ESRRG: variants seen among roughly 807,000 people sequenced by gnomAD.
The protein encoded by ESRRG is estrogen related receptor gamma.
Under a neutral mutation model 44.0 loss-of-function variants are expected in ESRRG, and 13 were observed. The observed-to-expected ratio is 0.30, with a 90% CI of 0.19 to 0.47. The LOEUF is 0.47. ESRRG is among the 20% of genes least tolerant of loss of function. The pLI, the probability that ESRRG is intolerant of heterozygous loss-of-function variation, is 1.00. For missense variants in ESRRG, 395 were observed against 580.6 expected (o/e 0.68, Z 3.29); for synonymous variants, 215 against 214.6 (o/e 1.00, Z -0.02).
intron 3 of ESRRG, among the ~76,000 whole-genome samples, chr1:216,591,360 A>C (rs762313452): frequency 6.6e-6 from 1 of 152,218 alleles, no homozygotes; most frequent in African/African-American, 2.4e-5. Context: ...CAGAGAGAGC[A>C]TGGAAGCTCT....
chr1:216,683,633 G>T (rs1009028523), intron 1 of ESRRG, among the ~76,000 whole-genome samples: 1 of 152,088 alleles, frequency 6.6e-6, no homozygotes, highest in African/African-American at 2.4e-5. Context: ...TCTGTAAAAG[G>T]CTCTCTGCTG....
chr1:216,907,751 C>T (rs1279666245), intron 2 of ESRRG, among the ~76,000 whole-genome samples: 2 of 152,104 alleles, frequency 1.3e-5, no homozygotes, highest in African/African-American at 4.8e-5. Context: ...CCCATCAAAT[C>T]AAAAGTTTCA....
At chr1:216,685,947 T>C (rs1404250725) in intron 1 of ESRRG, 1 of 152,220 alleles carries the variant, frequency 6.6e-6, no homozygotes, top group Non-Finnish European at 1.5e-5. Flanking sequence ...ATCTAAATGC[T>C]AGGAAATCAT....
At chr1:216,971,903 C>G in intron 1 of ESRRG, among the ~76,000 whole-genome samples, 1 of 152,276 alleles carries the variant, frequency 6.6e-6, no homozygotes, top group South Asian at 2.1e-4. Flanking sequence ...CTCTTCTAGC[C>G]TGAAGGCCCA....
At chr1:216,908,800 A>G (rs2059972707) in intron 2 of ESRRG, among the ~76,000 whole-genome samples, 1 of 150,968 alleles carries the variant, frequency 6.6e-6, no homozygotes, top group Non-Finnish European at 1.5e-5. Context: ...CCCTAGGTAC[A>G]AGGCAATGTG....
intron 5 of ESRRG, among the ~76,000 whole-genome samples, chr1:216,529,625 G>A (rs2048701594): frequency 6.6e-6 from 1 of 151,926 alleles, no homozygotes; most frequent in Non-Finnish European, 1.5e-5. Flanking sequence ...ACAAATTATT[G>A]GCACTTCTGC....
chr1:216,754,746 T>G (rs1198231468), intron 2 of ESRRG, among the ~76,000 whole-genome samples: 1 of 150,546 alleles, frequency 6.6e-6, no homozygotes, highest in Non-Finnish European at 1.5e-5. Flanking sequence ...TAGTTGCGTG[T>G]TGCGTAAAAG....
chr1:216,715,793 TGTGA>T (rs1011547048), intron 1 of ESRRG, among the ~76,000 whole-genome samples: 13 of 152,016 alleles, frequency 8.6e-5, no homozygotes, highest in African/African-American at 3.1e-4. Context: ...TAACTCACAT[TGTGA>T]GTATGAAAAA....
intron 1 of ESRRG, among the ~76,000 whole-genome samples, chr1:216,706,877 ATAAATAAAACTCC>A: frequency 6.6e-6 from 1 of 152,360 alleles, no homozygotes; most frequent in Middle Eastern, 3.4e-3. Flanking sequence ...TCAAAAATAA[ATAAATAAAACTCC>A]TAAATAAAAT....
Position 216,787,477 on chromosome 1 carries a change from C to T in ESRRG, c.-13-109986G>A, listed in dbSNP as rs533949445. 2.6e-5 allele frequency among the ~76,000 whole-genome samples: 4 copies of T among 151,800 alleles called. No homozygotes were observed. The East Asian group carries it at 5.9e-4, about 22-fold the overall frequency. ...ACTTAGCCGGGCATGGTGGCACACA[C>T]CTGTAGTCCCAGCTACTTGGGAGGC... On this transcript the variant is annotated intron_variant, in intron 2 of 7. Transcript: ENST00000359162.
intron 1 of ESRRG, among the ~76,000 whole-genome samples, chr1:216,679,848 A>T (rs1318307071): frequency 3.3e-5 from 5 of 151,978 alleles, no homozygotes; most frequent in Non-Finnish European, 5.9e-5. Context: ...CCATTTATGG[A>T]TCAGTTATTT....
chr1:216,835,037 A>G (rs1194643706), intron 2 of ESRRG, among the ~76,000 whole-genome samples: 2 of 152,162 alleles, frequency 1.3e-5, no homozygotes, highest in Admixed American at 1.3e-4. Flanking sequence ...TTCATGATAA[A>G]ATTGATAATG....
intron 2 of ESRRG, among the ~76,000 whole-genome samples, chr1:216,762,711 A>AAAATAAATAAATAAATAAATAAATAAAT (rs768532140): frequency 1.3e-4 from 20 of 151,652 alleles, no homozygotes; most frequent in Non-Finnish European, 2.4e-4. Flanking sequence ...ATAATAATAA[A>AAAATAAATAAATAAATAAATAAATAAAT]AAATAAATAA....
At chr1:217,126,766 A>T (rs1014109367) in intron 1 of ESRRG, among the ~76,000 whole-genome samples, 4 of 152,176 alleles carry the variant, frequency 2.6e-5, no homozygotes, top group African/African-American at 9.6e-5. Flanking sequence ...AATACATGTA[A>T]TGATAATATG....
At chr1:217,127,473 C>T (rs1020286040) in intron 1 of ESRRG, among the ~76,000 whole-genome samples, 2 of 152,290 alleles carry the variant, frequency 1.3e-5, no homozygotes, top group South Asian at 4.1e-4. Context: ...CATTGCTAGA[C>T]CTTCCAGTGT....
intron 2 of ESRRG, among the ~76,000 whole-genome samples, chr1:216,873,972 GGGGAGGGAGGGAGGGGGAAGGA>G (rs2096304264): frequency 8.8e-6 from 1 of 113,694 alleles, no homozygotes; most frequent in Non-Finnish European, 1.9e-5. Flanking sequence ...GGGGAGGGGA[GGGGAGGGAGGGAGGGGGAAGGA>G]GGGAGGGAGG....
intron 2 of ESRRG, among the ~76,000 whole-genome samples, chr1:216,774,798 C>CTTTTTTTTTTTTTTTTTTTT (rs58598227): frequency 6.3e-5 from 7 of 110,846 alleles, no homozygotes; most frequent in Non-Finnish European, 1.2e-4. Context: ...ATAATTTCTT[C>CTTTTTTTTTTTTTTTTTTTT]TTTTTTTTTT....
chr1:217,128,872 T>A (rs2092923338), intron 1 of ESRRG, among the ~76,000 whole-genome samples: 1 of 152,194 alleles, frequency 6.6e-6, no homozygotes, highest in Non-Finnish European at 1.5e-5. Flanking sequence ...GTCTTTATTG[T>A]TAAAAATAAC....
At chr1:216,940,566 T>C (rs1007297692) in intron 1 of ESRRG, among the ~76,000 whole-genome samples, 3 of 152,098 alleles carry the variant, frequency 2.0e-5, no homozygotes, top group Admixed American at 6.6e-5. Flanking sequence ...ATTTATTAAG[T>C]AAAAGATGTG....
Sources: gnomAD v4.1 joint callset for allele counts (sites outside exome capture counted in the v4.1 genomes callset) on GRCh38, gnomAD v4.1.1 for gene constraint, MANE v1.5 for transcripts, NCBI Gene and HGNC (gene_info 2026-07-23, HGNC 2026-07-21) for gene names.